ANK3: variants seen among roughly 807,000 people sequenced by gnomAD.
The protein encoded by ANK3 is ankyrin 3, also known as ankyrin-3.
Under a neutral mutation model 370.9 loss-of-function variants are expected in ANK3, and 57 were observed. The observed-to-expected ratio is 0.15, with a 90% CI of 0.12 to 0.19. The LOEUF (loss-of-function observed/expected upper bound fraction) is 0.19. Ranked by LOEUF, ANK3 falls within the 10% of genes least tolerant of loss-of-function variation. The pLI, the probability that ANK3 is intolerant of heterozygous loss-of-function variation, is 1.00. For synonymous variants in ANK3, 1,929 were observed against 1,946.3 expected (o/e 0.99, Z 0.23); for missense variants, 4,439 against 5,302.1 (o/e 0.84, Z 5.06).
chr10:60,278,636 G>T, intron 4 of ANK3, 138 bp downstream of exon 4: 1 of 701,226 alleles, frequency 1.4e-6, no homozygotes. Flanking sequence ...CTTCCAAAGT[G>T]TGCCAAATAT....
intron 1 of ANK3, among the ~76,000 whole-genome samples, chr10:60,281,484 T>C (rs922388218): frequency 1.3e-5 from 2 of 152,304 alleles, no homozygotes; most frequent in Admixed American, 1.3e-4. Context: ...ACATAAAGAT[T>C]GTACACTTGA....
intron 23 of ANK3, among the ~76,000 whole-genome samples, chr10:60,152,307 C>A (rs961736384): frequency 1.3e-5 from 2 of 152,106 alleles, no homozygotes; most frequent in Non-Finnish European, 2.9e-5. Context: ...CACAATCAGG[C>A]CTGTTGATTT....
chr10:60,420,916 G>A (rs1307472491), intron 2 of ANK3, among the ~76,000 whole-genome samples: 2 of 152,060 alleles, frequency 1.3e-5, no homozygotes, highest in African/African-American at 4.8e-5. Flanking sequence ...AATATTCATA[G>A]CATTATACAC....
chr10:60,071,677 G>A lies in ANK3; in HGVS notation c.9204C>T (p.His3068=), dbSNP rs1394328120. Residue 3068 remains histidine, a synonymous_variant, in exon 37 of 44, where the codon CAC becomes CAT. Coordinates refer to ENST00000280772, the MANE Select transcript of ANK3 (RefSeq NM_020987.5). ...KESPSSDVFD[H]SPIDGLEKLA... is the part of the protein sequence containing the mutation. ...GTTTTTCCAATCCATCAATGGGACT[G>A]TGGTCGAATACATCACTAGAGGGAG... 4.4e-6 allele frequency: 7 copies of A among 1,604,804 alleles called. No individual in the cohort carries two copies. The South Asian group carries it at 5.6e-5, about 13-fold the overall frequency.
At chr10:60,637,801 A>G (rs150500369) in intron 1 of ANK3, among the ~76,000 whole-genome samples, 3 of 152,292 alleles carry the variant, frequency 2.0e-5, no homozygotes, top group Non-Finnish European at 4.4e-5. Context: ...TTCTAACCCT[A>G]AAAGATTAAC....
chr10:60,380,897 A>C (rs907925937), intron 1 of ANK3, among the ~76,000 whole-genome samples: 1 of 152,170 alleles, frequency 6.6e-6, no homozygotes, highest in Non-Finnish European at 1.5e-5. Context: ...GTGATTGAAA[A>C]TTTTAGAGGC....
intron 23 of ANK3, among the ~76,000 whole-genome samples, chr10:60,164,440 G>C (rs866669147): frequency 6.6e-6 from 1 of 151,510 alleles, no homozygotes; most frequent in South Asian, 2.1e-4. Context: ...CACAGGAGAG[G>C]GCGACCAGGT....
chr10:60,574,280 G>A (rs1218941516), intron 2 of ANK3, among the ~76,000 whole-genome samples: 1 of 152,170 alleles, frequency 6.6e-6, no homozygotes, highest in Non-Finnish European at 1.5e-5. Context: ...CAAGCATAGG[G>A]ATTCAAGTGA....
At chr10:60,677,013 C>T (rs1245729336) in intron 1 of ANK3, among the ~76,000 whole-genome samples, 1 of 152,112 alleles carries the variant, frequency 6.6e-6, no homozygotes. Flanking sequence ...CACATATGTA[C>T]AATTATTATG....
intron 2 of ANK3, chr10:60,572,416 C>T: frequency 2.6e-6 from 4 of 1,515,964 alleles, no homozygotes; most frequent in Non-Finnish European, 3.5e-6. Context: ...CACTTCCTCC[C>T]CAGAGCCAGA....
intron 2 of ANK3, among the ~76,000 whole-genome samples, chr10:60,463,299 T>C (rs974749414): frequency 1.3e-5 from 2 of 152,192 alleles, no homozygotes; most frequent in African/African-American, 4.8e-5. Flanking sequence ...AGAGTCATCT[T>C]TTGACCCACT....
intron 2 of ANK3, among the ~76,000 whole-genome samples, chr10:60,403,539 C>T (rs1023865367): frequency 2.6e-5 from 4 of 152,176 alleles, no homozygotes; most frequent in African/African-American, 9.7e-5. Flanking sequence ...ATATTGAATG[C>T]TTTTCCTCTA....
chr10:60,091,158 G>A (rs1359801291), intron 28 of ANK3, among the ~76,000 whole-genome samples: 1 of 152,172 alleles, frequency 6.6e-6, no homozygotes, highest in Non-Finnish European at 1.5e-5. Context: ...CCCCAACCTT[G>A]GACCCCCAAA....
At chr10:60,485,238 T>C (rs1329624655) in intron 2 of ANK3, among the ~76,000 whole-genome samples, 2 of 152,172 alleles carry the variant, frequency 1.3e-5, no homozygotes, top group Admixed American at 1.3e-4. Context: ...GGCTGAAATC[T>C]GTTTCTTTCC....
chr10:60,689,897 T>C (rs778922337), intron 1 of ANK3, among the ~76,000 whole-genome samples: 8 of 152,192 alleles, frequency 5.3e-5, no homozygotes, highest in Non-Finnish European at 1.2e-4. Context: ...AACACAGTTA[T>C]ATGATGTTTG....
intron 2 of ANK3, among the ~76,000 whole-genome samples, chr10:60,604,616 A>G (rs1002433968): frequency 1.3e-5 from 2 of 152,208 alleles, no homozygotes; most frequent in Non-Finnish European, 2.9e-5. Flanking sequence ...AGAGCTGTGG[A>G]AATAGAAGCT....
At chr10:60,544,212 C>T (rs967724703) in intron 2 of ANK3, among the ~76,000 whole-genome samples, 1 of 151,992 alleles carries the variant, frequency 6.6e-6, no homozygotes, top group African/African-American at 2.4e-5. Context: ...TTCTGAGAGC[C>T]CACTTAATGT....
At chr10:60,364,619 C>G (rs1329067918) in intron 1 of ANK3, among the ~76,000 whole-genome samples, 1 of 152,064 alleles carries the variant, frequency 6.6e-6, no homozygotes, top group Non-Finnish European at 1.5e-5. Flanking sequence ...GTGCATCAAA[C>G]TCCATGGTAC....
At chr10:60,207,878 T>C (rs923934569) in intron 10 of ANK3, among the ~76,000 whole-genome samples, 158 bp downstream of exon 10, 4 of 152,228 alleles carry the variant, frequency 2.6e-5, no homozygotes, top group Non-Finnish European at 4.4e-5. Flanking sequence ...ATAGAAAATT[T>C]TGTAGACTTT....
Sources: allele counts gnomAD v4.1 joint callset (sites outside exome capture counted in the v4.1 genomes callset), GRCh38; gene constraint gnomAD v4.1.1; transcripts MANE v1.5; gene names NCBI Gene and HGNC (gene_info 2026-07-23, HGNC 2026-07-21).